The following ADCY9 variants were observed in gnomAD, a reference collection of about 807,000 sequenced individuals.
ADCY9 encodes the protein adenylate cyclase type 9.
In ADCY9, 50 loss-of-function variants were observed where a neutral mutation model predicts 101.5. The ratio of observed to expected loss-of-function variants is 0.49; its 90% CI spans 0.39 to 0.62. The LOEUF is 0.62. Ranked by LOEUF, ADCY9 falls within the 20% of genes least tolerant of loss-of-function variation. ADCY9 has a pLI of 0.00. For synonymous variants in ADCY9, 905 were observed against 769.3 expected (o/e 1.18, Z -2.92); for missense variants, 1,662 against 1,800.4 (o/e 0.92, Z 1.39).
intron 2 of ADCY9, among the ~76,000 whole-genome samples, chr16:4,036,457 TG>T (rs1207374556): frequency 2.8e-4 from 30 of 105,928 alleles, no homozygotes; most frequent in African/African-American, 6.7e-4. Context: ...TTTTGGGGTT[TG>T]TTTGTTTTTT....
chr16:4,034,252 C>T (rs28618112), intron 2 of ADCY9, among the ~76,000 whole-genome samples: 12,230 of 152,204 alleles, frequency 0.08, 1,294 homozygotes, highest in African/African-American at 0.24. Context: ...ACTACACGTA[C>T]CCCTTGTCAA....
At chr16:4,012,208 C>T (rs2056408970) in intron 2 of ADCY9, among the ~76,000 whole-genome samples, 1 of 152,200 alleles carries the variant, frequency 6.6e-6, no homozygotes, top group African/African-American at 2.4e-5. Context: ...AGTAAATTAT[C>T]TTTTTATTTA....
intron 2 of ADCY9, among the ~76,000 whole-genome samples, chr16:4,047,921 C>T (rs1247869315): frequency 1.3e-5 from 2 of 152,178 alleles, no homozygotes; most frequent in Admixed American, 1.3e-4. Flanking sequence ...ACCCAGGTAG[C>T]CACGAAGCAT....
chr16:4,001,008 C>CACACACACACACACACACAT (rs3222326), intron 3 of ADCY9, among the ~76,000 whole-genome samples: 15 of 135,732 alleles, frequency 1.1e-4, no homozygotes, highest in Non-Finnish European at 2.2e-4. Context: ...CACACACACA[C>CACACACACACACACACACAT]ATATATAATT....
intron 2 of ADCY9, among the ~76,000 whole-genome samples, chr16:4,108,413 G>A (rs1441166631): frequency 1.8e-5 from 2 of 110,818 alleles, no homozygotes; most frequent in African/African-American, 3.5e-5. Flanking sequence ...TCGCCCTATC[G>A]CCCAGGCTGG....
At chr16:4,009,340 T>C (rs2056388150) in intron 2 of ADCY9, among the ~76,000 whole-genome samples, 1 of 152,162 alleles carries the variant, frequency 6.6e-6, no homozygotes, top group Non-Finnish European at 1.5e-5. Context: ...GGTGCAACCA[T>C]GGCTCCCTAC....
At chr16:3,982,902 CTT>C (rs1306717980) in intron 7 of ADCY9, 27 of 346,686 alleles carry the variant, frequency 7.8e-5, no homozygotes, top group Non-Finnish European at 1.1e-4. Flanking sequence ...CCGCTCATGT[CTT>C]TTCCTTTCCT....
rs139298871 is a variant in ADCY9, at chr16:4,045,057, T to C, written c.1694-37499A>G. Among the ~76,000 whole-genome samples the C allele has an allele frequency of 5.9e-3, 902 of 152,272 alleles. 15 individuals carry two copies. Among genetic ancestry groups the C allele is most frequent in the African/African-American group, 0.021 (857 of 41,548 alleles). ...TTCGTATCATCTGAGTTTATGGGAA[T>C]GAGGATAAATCACAAAAGCATTATA... On this transcript the variant is annotated intron_variant, in intron 2 of 10. Coordinates refer to ENST00000294016, the MANE Select transcript of ADCY9 (RefSeq NM_001116.4).
At position 3,977,529 on chromosome 16, in the gene ADCY9, C is replaced by A. The variant is rs745542592; in HGVS notation, c.2781G>T (p.Val927=). The A allele has an allele frequency of 1.0e-5, 16 of 1,596,066 alleles. No homozygotes were observed. The highest frequency in any genetic ancestry group is 1.2e-5 in the Non-Finnish European group (14 of 1,171,584). The change falls in exon 9 of 11, where the codon GTG becomes GTT. Residue 927 remains valine (V), a synonymous_variant. Transcript: ENST00000294016. Reference sequence around the variant, plus strand: ...AGAGCAGGAGCAGCGGCCCGGCCCCCACGACGGTGGCGAGGGAGGACCTCA... The same window carrying A: ...AGAGCAGGAGCAGCGGCCCGGCCCCAACGACGGTGGCGAGGGAGGACCTCA... ...SWMRSSLATV[V]GAGPLLLLYV...
chr16:4,024,520 A>C (rs1206197397), intron 2 of ADCY9, among the ~76,000 whole-genome samples: 2 of 151,962 alleles, frequency 1.3e-5, no homozygotes. Context: ...CCAATTTTTC[A>C]CCTGATTTAT....
At chr16:3,988,094 G>C (rs2056209659) in intron 6 of ADCY9, among the ~76,000 whole-genome samples, 1 of 152,078 alleles carries the variant, frequency 6.6e-6, no homozygotes, top group Non-Finnish European at 1.5e-5. Flanking sequence ...TGAGCATCTA[G>C]GGAGGGAGGA....
chr16:3,974,279 C>G (rs908184431), intron 10 of ADCY9, among the ~76,000 whole-genome samples: 2 of 150,992 alleles, frequency 1.3e-5, no homozygotes, highest in Admixed American at 6.6e-5. Flanking sequence ...CTCCTGACCT[C>G]GTGATCCGCC....
At position 3,966,456 on chromosome 16, in the gene ADCY9, G is replaced by A. The variant is rs370606217; in HGVS notation, c.3381C>T (p.Asp1127=). 8.2e-5 allele frequency: 133 copies of A among 1,614,098 alleles called. No individual in the cohort carries two copies. The highest frequency in any genetic ancestry group is 5.7e-4 in the Admixed American group (34 of 60,016). ...ASGLNTAQAQ[D]GSHPQEHLQI... ...GCAGGTGCTCCTGCGGGTGGCTGCCGTCCTGGGCCTGCGCGGTGTTCAGCC... is the reference window on the plus strand; with the variant it reads ...GCAGGTGCTCCTGCGGGTGGCTGCCATCCTGGGCCTGCGCGGTGTTCAGCC... The change falls in exon 11 of 11, where the codon GAC becomes GAT. Residue 1127 remains aspartate, a synonymous_variant. Coordinates refer to ENST00000294016, the MANE Select transcript of ADCY9 (RefSeq NM_001116.4).
At position 4,114,753 on chromosome 16, in the gene ADCY9, C is replaced by T; in HGVS notation, c.690G>A (p.Val230=). The T allele has an allele frequency of 6.2e-7, 1 of 1,613,172 alleles. No individual in the cohort carries two copies. The highest frequency in any genetic ancestry group is 2.2e-5 in the East Asian group (1 of 44,892). Residue 230 remains valine, a synonymous_variant, in exon 2 of 11, where the codon GTG becomes GTA. Coordinates refer to ENST00000294016, the MANE Select transcript of ADCY9 (RefSeq NM_001116.4). This position sits in a 1 kb window ranked among gnomAD's most constrained non-coding sequence, Gnocchi z 4.3. The stretch of plus-strand genomic sequence containing the variant: ...GCATGACGGTATAGAGCAAAAAGAG[C>T]ACTTCGATGCACATGGAGAAGCTCC... ...QVGSFSMCIE[V]LFLLYTVMHL...
Position 4,114,461 on chromosome 16 carries a change from C to T in ADCY9, c.982G>A (p.Ala328Thr), listed in dbSNP as rs1306562915. The T allele has an allele frequency of 6.2e-7, 1 of 1,614,132 alleles. No individual in the cohort carries two copies. Among genetic ancestry groups the T allele is most frequent in the South Asian group, 1.1e-5 (1 of 91,078 alleles). Residue 328 changes from alanine to threonine, a missense_variant, in exon 2 of 11, where the codon GCC (alanine) becomes ACC (threonine). Transcript: ENST00000294016. This position sits in a 1 kb window ranked among gnomAD's most constrained non-coding sequence, Gnocchi z 4.3. ...MHGKDLEVEK[A>T]LKERMIHSVM... ...GAATGAATCATCCTCTCTTTGAGGG[C>T]TTTTTCCACTTCCAGGTCCTTCCCG...
intron 2 of ADCY9, among the ~76,000 whole-genome samples, chr16:4,087,543 T>TAAAAAAAAAA (rs55706713): frequency 3.4e-5 from 4 of 118,172 alleles, no homozygotes; most frequent in Admixed American, 1.8e-4. Context: ...CTCAAAAAGA[T>TAAAAAAAAAA]AAAAAAAAAA....
intron 5 of ADCY9, among the ~76,000 whole-genome samples, chr16:3,989,625 C>T (rs1249325567): frequency 6.6e-6 from 1 of 152,164 alleles, no homozygotes; most frequent in African/African-American, 2.4e-5. Flanking sequence ...AGAGATCCAC[C>T]CATCTCGGCC....
chr16:4,034,806 T>C (rs2056578777), intron 2 of ADCY9, among the ~76,000 whole-genome samples: 2 of 152,210 alleles, frequency 1.3e-5, no homozygotes, highest in African/African-American at 4.8e-5. Context: ...ATAAGGCTGG[T>C]AGCTGACAGA....
chr16:3,965,877 T>A lies in ADCY9; in HGVS notation c.3960A>T (p.Glu1320Asp). The A allele has an allele frequency of 1.2e-6, 2 of 1,614,204 alleles. No homozygotes were observed. Among genetic ancestry groups the A allele is most frequent in the South Asian group, 2.2e-5 (2 of 91,078 alleles). ...RPWKEPVKAE[E>D]RGRFGKAIEK... Reference sequence around the variant, plus strand: ...CTATGGCTTTGCCAAATCGACCCCTTTCTTCGGCTTTGACGGGCTCCTTCC... The same window carrying A: ...CTATGGCTTTGCCAAATCGACCCCTATCTTCGGCTTTGACGGGCTCCTTCC... The change falls in exon 11 of 11, where the codon GAA (glutamate) becomes GAT (aspartate). Residue 1320 changes from glutamate to aspartate, a missense_variant. By Grantham distance (45) the Glu-to-Asp change is conservative. Coordinates refer to ENST00000294016, the MANE Select transcript of ADCY9 (RefSeq NM_001116.4).
Sources: gnomAD v4.1 joint callset for allele counts (sites outside exome capture counted in the v4.1 genomes callset) on GRCh38, gnomAD v4.1.1 for gene constraint, Gnocchi (gnomAD v3.1) non-coding constraint, MANE v1.5 for transcripts, NCBI Gene and HGNC (gene_info 2026-07-23, HGNC 2026-07-21) for gene names.